LRRC37A2: variants seen among roughly 807,000 people sequenced by gnomAD.
LRRC37A2 encodes leucine-rich repeat-containing protein 37A2.
A neutral mutation model predicts 68.8 loss-of-function variants in LRRC37A2; 9 were observed. That is an observed-to-expected ratio of 0.13 (90% confidence interval 0.08 to 0.23). The LOEUF is 0.23. Among genes scored for constraint, LRRC37A2 ranks in the 10% least tolerant of loss-of-function variants. The pLI is 1.00. For missense variants in LRRC37A2, 168 were observed against 950.4 expected, an observed-to-expected ratio of 0.18 and a Z score of 10.82; for synonymous variants, 63 against 367.6, an observed-to-expected ratio of 0.17 and a Z score of 9.48.
chr17:46,865,820 C>T, the LRRC37A2 span, among the ~76,000 whole-genome samples: 1 of 152,086 alleles, frequency 6.6e-6, no homozygotes, highest in Non-Finnish European at 1.5e-5. Flanking sequence ...TTACGTTGCC[C>T]AGGCTGGTTT....
At chr17:46,875,960 A>C in the LRRC37A2 span, among the ~76,000 whole-genome samples, 1 of 152,176 alleles carries the variant, frequency 6.6e-6, no homozygotes, top group African/African-American at 2.4e-5. Flanking sequence ...GTGTTCAATC[A>C]TTGAGTTGGT....
chr17:46,859,578 A>G, the LRRC37A2 span, among the ~76,000 whole-genome samples: 2 of 152,194 alleles, frequency 1.3e-5, no homozygotes, highest in Non-Finnish European at 2.9e-5. Flanking sequence ...AGCCTTTTAT[A>G]TTCCTAGATT....
At chr17:46,866,353 AGT>A in the LRRC37A2 span, among the ~76,000 whole-genome samples, 5 of 151,418 alleles carry the variant, frequency 3.3e-5, no homozygotes, top group African/African-American at 1.2e-4. Context: ...GGTGTGTGAG[AGT>A]GTGTGTGTGA....
chr17:46,952,242 G>A, the LRRC37A2 span, among the ~76,000 whole-genome samples: 2 of 152,150 alleles, frequency 1.3e-5, no homozygotes, highest in Non-Finnish European at 2.9e-5. Flanking sequence ...GGGACTCAGC[G>A]AGGGCTGCCT....
At chr17:46,876,526 C>T in the LRRC37A2 span, 2 of 1,613,662 alleles carry the variant, frequency 1.2e-6, no homozygotes, top group East Asian at 4.5e-5. Context: ...GCCGGCCCAG[C>T]AAGTACTCAC....
At chr17:46,568,511 AAG>A in the LRRC37A2 span, among the ~76,000 whole-genome samples, 2 of 118,100 alleles carry the variant, frequency 1.7e-5, 1 homozygote, top group African/African-American at 6.8e-5. Context: ...AAAAAAAAAA[AAG>A]AGGGGGGGAG....
At chr17:46,895,993 G>T in the LRRC37A2 span, among the ~76,000 whole-genome samples, 2 of 152,074 alleles carry the variant, frequency 1.3e-5, no homozygotes, top group African/African-American at 2.4e-5. Flanking sequence ...AAAGACCAAG[G>T]CCAGGCTGGG....
At chr17:46,927,421 G>C in the LRRC37A2 span, among the ~76,000 whole-genome samples, 1 of 152,126 alleles carries the variant, frequency 6.6e-6, no homozygotes, top group Non-Finnish European at 1.5e-5. Context: ...GGTTTTGTGG[G>C]GGTGGGTAGT....
chr17:46,808,163 C>T, the LRRC37A2 span, among the ~76,000 whole-genome samples: 5 of 152,148 alleles, frequency 3.3e-5, no homozygotes, highest in South Asian at 2.1e-4. Flanking sequence ...AACTGAGGCC[C>T]GGGAGGCAGT....
chr17:46,713,993 A>C, the LRRC37A2 span: 1 of 1,596,570 alleles, frequency 6.3e-7, no homozygotes, highest in Non-Finnish European at 8.5e-7. Context: ...GAAGGTATCA[A>C]GATTTTACTT....
the LRRC37A2 span, chr17:46,722,079 G>A: frequency 5.0e-6 from 8 of 1,610,536 alleles, no homozygotes; most frequent in Non-Finnish European, 5.9e-6. Flanking sequence ...TTCATCTCCA[G>A]CTCCAGAAGA....
chr17:46,516,160 A>C lies in LRRC37A2; in HGVS notation c.2609+839A>C, dbSNP rs546500856. ...CTAAAAATACAGAAAAAAATTAGCCAGGCATGGTGGTGGGTGCCTGGAGTC... is the reference window on the plus strand; with the variant it reads ...CTAAAAATACAGAAAAAAATTAGCCCGGCATGGTGGTGGGTGCCTGGAGTC... On this transcript the variant is annotated intron_variant, in intron 2 of 14. Transcript: ENST00000576629. Among the ~76,000 whole-genome samples, 53 of 150,198 alleles carry C rather than the reference A, an allele frequency of 3.5e-4. No individual in the cohort carries two copies. In the East Asian group the frequency reaches 7.9e-3, roughly 22 times the overall value.
chr17:46,824,556 C>T, the LRRC37A2 span, among the ~76,000 whole-genome samples: 1 of 152,224 alleles, frequency 6.6e-6, no homozygotes, highest in South Asian at 2.1e-4. Flanking sequence ...GCTGATTATA[C>T]ATACTACATA....
At chr17:46,458,687 A>C in the LRRC37A2 span, among the ~76,000 whole-genome samples, 1 of 101,794 alleles carries the variant, frequency 9.8e-6, no homozygotes. Flanking sequence ...GATTACAGGC[A>C]TGCACCACCA....
chr17:46,855,276 C>T, the LRRC37A2 span, among the ~76,000 whole-genome samples: 3 of 152,230 alleles, frequency 2.0e-5, no homozygotes, highest in Non-Finnish European at 4.4e-5. Context: ...CTCTTTTAGA[C>T]TCTCTTGGCT....
chr17:46,697,104 G>A, the LRRC37A2 span, among the ~76,000 whole-genome samples: 3 of 129,778 alleles, frequency 2.3e-5, no homozygotes, highest in Non-Finnish European at 3.4e-5. Flanking sequence ...GAAGTTTGCT[G>A]GCCCTTGTTC....
the LRRC37A2 span, chr17:46,998,899 C>T: frequency 6.7e-6 from 1 of 150,278 alleles, no homozygotes; most frequent in South Asian, 2.2e-4. Flanking sequence ...TGCCCACCTG[C>T]ACTTCAGATA....
the LRRC37A2 span, among the ~76,000 whole-genome samples, chr17:46,814,521 T>A: frequency 6.6e-6 from 1 of 152,190 alleles, no homozygotes; most frequent in Non-Finnish European, 1.5e-5. Flanking sequence ...GGGAAAGGTC[T>A]GCCCTGGAAG....
chr17:46,735,595 A>C, the LRRC37A2 span, among the ~76,000 whole-genome samples: 2 of 151,932 alleles, frequency 1.3e-5, no homozygotes, highest in African/African-American at 4.8e-5. Context: ...TGTGTTACCT[A>C]CTCTGTTGAG....
Sources: gnomAD v4.1 joint callset for allele counts (sites outside exome capture counted in the v4.1 genomes callset) on GRCh38, gnomAD v4.1.1 for gene constraint, MANE v1.5 for transcripts, NCBI Gene and HGNC (gene_info 2026-07-23, HGNC 2026-07-21) for gene names.